The following WDR17 variants were observed in gnomAD, a reference collection of about 807,000 sequenced individuals.
WDR17 encodes WD repeat-containing protein 17.
A neutral mutation model predicts 161.7 loss-of-function variants in WDR17; 143 were observed. The observed-to-expected ratio is 0.88, with a 90% CI of 0.77 to 1.02. The LOEUF is 1.02. WDR17 is among the 50% of genes least tolerant of loss of function. The pLI is 0.00. For missense variants in WDR17, 1,469 were observed against 1,520.9 expected, an observed-to-expected ratio of 0.97 and a Z score of 0.57; for synonymous variants, 517 against 515.6, an observed-to-expected ratio of 1.00 and a Z score of -0.04.
At chr4:176,118,933 C>CCTGGGCAA (rs1330837535) in intron 3 of WDR17, among the ~76,000 whole-genome samples, 1 of 151,774 alleles carries the variant, frequency 6.6e-6, no homozygotes, top group East Asian at 1.9e-4. Context: ...TGCACTCCAG[C>CCTGGGCAA]CTGGGCAACA....
In WDR17 at chr4:176,111,821, A is replaced by G. The variant is rs115084274; in HGVS notation, c.123+118A>G. The G allele has an allele frequency of 1.4e-3, 1,474 of 1,019,258 alleles. 17 individuals carry two copies. The African/African-American group carries it at 0.021, about 14-fold the overall frequency. 63.1% of individuals were successfully genotyped at this position (1,019,258 alleles called of 1,614,324 possible). ...TAATGCTATAATTCCATTTATATTT[A>G]TATTTTTAAAGTTTTGTGATTTATA... On this transcript the variant is annotated intron_variant, in intron 2 of 28. Transcript: ENST00000508596.
At chr4:176,108,393 A>T (rs139087552) in intron 1 of WDR17, among the ~76,000 whole-genome samples, 1 of 152,246 alleles carries the variant, frequency 6.6e-6, no homozygotes, top group East Asian at 1.9e-4. Flanking sequence ...ACATTAAAAG[A>T]TTAGTTGTTG....
At chr4:176,095,341 A>G (rs541634231) in intron 1 of WDR17, among the ~76,000 whole-genome samples, 4 of 152,280 alleles carry the variant, frequency 2.6e-5, no homozygotes, top group African/African-American at 9.6e-5. Context: ...AAATTAAGCA[A>G]GAGATTTTGC....
intron 1 of WDR17, among the ~76,000 whole-genome samples, chr4:176,068,890 G>A (rs1208848177): frequency 6.6e-6 from 1 of 152,082 alleles, no homozygotes; most frequent in Non-Finnish European, 1.5e-5. Context: ...AAAACCTAGA[G>A]AAAAACATTT....
intron 5 of WDR17, 112 bp downstream of exon 5, chr4:176,125,467 AT>A (rs1742309704): frequency 8.0e-7 from 1 of 1,244,776 alleles, no homozygotes; most frequent in Admixed American, 2.6e-5. Context: ...TAATAGCTCA[AT>A]TATTATTTAT....
At chr4:176,108,877 C>A (rs1220251086) in intron 1 of WDR17, among the ~76,000 whole-genome samples, 1 of 152,118 alleles carries the variant, frequency 6.6e-6, no homozygotes, top group Non-Finnish European at 1.5e-5. Flanking sequence ...GCAACATGCA[C>A]CTCCCAGGCT....
In WDR17 at chr4:176,181,079, A is replaced by G. The variant is rs1561231717; in HGVS notation, c.*1500A>G. On this transcript the variant is annotated 3_prime_UTR_variant, in exon 29 of 29. Coordinates refer to ENST00000508596, the MANE Select transcript of WDR17 (RefSeq NM_181265.4). The stretch of plus-strand genomic sequence containing the variant: ...TTAAAATATTTTTAAAACCTTCTTA[A>G]CAAAACTTCTTAAAACTGGAAAAAA... 2 of 152,138 alleles carry G rather than the reference A, an allele frequency of 1.3e-5. No homozygotes were observed. The highest frequency in any genetic ancestry group is 2.9e-5 in the Non-Finnish European group (2 of 68,024). 9.4% of individuals were successfully genotyped at this position (152,138 alleles called of 1,614,324 possible). A position where few individuals can be genotyped will look rare whatever the true frequency, so the allele number is the denominator to read the frequency against.
chr4:176,097,627 A>T (rs1344504253), intron 1 of WDR17, among the ~76,000 whole-genome samples: 1 of 151,796 alleles, frequency 6.6e-6, no homozygotes, highest in Non-Finnish European at 1.5e-5. Flanking sequence ...TTGAGAGTTA[A>T]TGAGCAGTTT....
At position 176,152,294 on chromosome 4, in the gene WDR17, C is replaced by CAAAAAAAAAAAAA. The variant is rs397837505; in HGVS notation, c.2460+335_2460+347dup. On this transcript the variant is annotated intron_variant, in intron 17 of 28. Transcript: ENST00000508596. Reference sequence around the variant, plus strand: ...TGGGCTACAGAAAGAGACCCTATCTCAAAAAAAAAAAAAAAAAAAAGCCTG... The same window carrying CAAAAAAAAAAAAA: ...TGGGCTACAGAAAGAGACCCTATCTCAAAAAAAAAAAAAAAAAAAAAAAAAAAAAAAAAGCCTG... Among the ~76,000 whole-genome samples the CAAAAAAAAAAAAA allele has an allele frequency of 4.3e-3, 311 of 72,128 alleles. 8 individuals carry two copies. The highest frequency in any genetic ancestry group is 0.015 in the African/African-American group (270 of 18,602). The allele number at this position is 72,128 out of a possible 152,430, so 47.3% of individuals were successfully genotyped here.
Position 176,111,695 on chromosome 4 carries a change from A to G in WDR17, c.115A>G (p.Ile39Val), listed in dbSNP as rs1182984501. Residue 39 changes from isoleucine (I) to valine (V), a missense_variant, in exon 2 of 29, where the codon ATT (isoleucine) becomes GTT (valine). Coordinates refer to ENST00000508596, the MANE Select transcript of WDR17 (RefSeq NM_181265.4). ...FAYCATLAIY[I>V]YQLDHRYNEF... ...ATATTGTGCGACCCTGGCTATCTAT[A>G]TTTATCAGGTAAAATAATAATTCTT... The G allele has an allele frequency of 6.3e-7, 1 of 1,578,798 alleles. No homozygotes were observed. Among genetic ancestry groups the G allele is most frequent in the Admixed American group, 1.7e-5 (1 of 57,676 alleles).
intron 1 of WDR17, among the ~76,000 whole-genome samples, chr4:176,086,160 CTG>C (rs1317549741): frequency 6.6e-6 from 1 of 151,858 alleles, no homozygotes; most frequent in Non-Finnish European, 1.5e-5. Context: ...AAAATATACT[CTG>C]AATGATTTCA....
In WDR17 at chr4:176,179,489, A is replaced by C. The variant is rs755491230; in HGVS notation, c.3762A>C (p.Lys1254Asn). Residue 1254 changes from lysine (K) to asparagine (N), a missense_variant, in exon 29 of 29, where the codon AAA (lysine) becomes AAC (asparagine). By Grantham distance (94) the Lys-to-Asn change is moderately conservative. Coordinates refer to ENST00000508596, the MANE Select transcript of WDR17 (RefSeq NM_181265.4). ...CTGTGTTTTTCCTTGAAGACGGGAA[A>C]TCTGCTATCTCCTTGAATGATGCTT... ...QGPVFFLEDG[K>N]SAISLNDALM... 5 of 1,601,488 alleles carry C rather than the reference A, an allele frequency of 3.1e-6. No individual in the cohort carries two copies. Among genetic ancestry groups the C allele is most frequent in the Non-Finnish European group, 4.3e-6 (5 of 1,173,028 alleles).
At position 176,083,724 on chromosome 4, in the gene WDR17, G is replaced by A. The variant is rs567406626; in HGVS notation, c.-7+17645G>A. On this transcript the variant is annotated intron_variant, in intron 1 of 28. Coordinates refer to ENST00000508596, the MANE Select transcript of WDR17 (RefSeq NM_181265.4). ...AGTGGAAATGCTGGTCATGGGGTATGTATTTGTTCGGCGTTAGAGGATTCG... is the reference window on the plus strand; with the variant it reads ...AGTGGAAATGCTGGTCATGGGGTATATATTTGTTCGGCGTTAGAGGATTCG... Among the ~76,000 whole-genome samples, 187 of 152,246 alleles carry A rather than the reference G, an allele frequency of 1.2e-3. 1 individual carries two copies. Among genetic ancestry groups the A allele is most frequent in the Middle Eastern group, 3.4e-3 (1 of 294 alleles).
At chr4:176,114,270 A>G (rs1197186835) in intron 2 of WDR17, among the ~76,000 whole-genome samples, 5 of 152,108 alleles carry the variant, frequency 3.3e-5, no homozygotes, top group Non-Finnish European at 7.4e-5. Flanking sequence ...AAGTCAACTT[A>G]AAATTGCTAT....
intron 1 of WDR17, among the ~76,000 whole-genome samples, chr4:176,083,750 G>A (rs1735055083): frequency 1.3e-5 from 2 of 152,102 alleles, no homozygotes; most frequent in Admixed American, 6.6e-5. Flanking sequence ...AGAGGATTCG[G>A]CCAATGAGTT....
In WDR17 at chr4:176,148,774, A is replaced by G. The variant is rs540948589; in HGVS notation, c.1897+439A>G. Among the ~76,000 whole-genome samples the G allele has an allele frequency of 4.6e-5, 7 of 152,326 alleles. 2 individuals carry two copies. Among genetic ancestry groups the G allele is most frequent in the African/African-American group, 1.7e-4 (7 of 41,560 alleles). On this transcript the variant is annotated intron_variant, in intron 13 of 28. Transcript: ENST00000508596. ...ATTCCTCTATTCTTGGATGTTTAGT[A>G]CAATGTTTTGTTTTTTAATATAATC...
intron 28 of WDR17, among the ~76,000 whole-genome samples, chr4:176,178,120 C>G (rs1386066167): frequency 6.7e-6 from 1 of 148,850 alleles, no homozygotes; most frequent in East Asian, 2.0e-4. Flanking sequence ...TCTAATGCTT[C>G]CATGCTAGCC....
chr4:176,177,302 C>A, intron 27 of WDR17, 146 bp downstream of exon 27: 3 of 960,664 alleles, frequency 3.1e-6, no homozygotes, highest in Non-Finnish European at 3.1e-6. Context: ...ATTTACAATA[C>A]CGTACTTTTC....
At chr4:176,163,497 C>T (rs1359706251) in intron 22 of WDR17, among the ~76,000 whole-genome samples, 1 of 152,084 alleles carries the variant, frequency 6.6e-6, no homozygotes, top group Non-Finnish European at 1.5e-5. Flanking sequence ...TTGCCATGAT[C>T]CATTCTGAAG....
Sources: allele counts gnomAD v4.1 joint callset (sites outside exome capture counted in the v4.1 genomes callset), GRCh38; gene constraint gnomAD v4.1.1; transcripts MANE v1.5; gene names NCBI Gene and HGNC (gene_info 2026-07-23, HGNC 2026-07-21).